Variants in PDZD2 observed in about 807,000 individuals in gnomAD.
The protein encoded by PDZD2 is PDZ domain-containing protein 2.
Under a neutral mutation model 220.7 loss-of-function variants are expected in PDZD2, and 90 were observed. That is an observed-to-expected ratio of 0.41 (90% CI 0.34 to 0.49). The LOEUF (loss-of-function observed/expected upper bound fraction) is 0.49, where lower values mean the gene tolerates loss of function less well. Among genes scored for constraint, PDZD2 ranks in the 20% least tolerant of loss-of-function variants. The pLI, the probability that PDZD2 is intolerant of heterozygous loss-of-function variation, is 0.28. For synonymous variants in PDZD2, 1,375 were observed against 1,450.5 expected (o/e 0.95, Z 1.18); for missense variants, 3,174 against 3,608.5 (o/e 0.88, Z 3.08).
In PDZD2 at chr5:31,748,867, G is replaced by A. The variant is rs186896279; in HGVS notation, c.-360-50022G>A. 5.2e-3 allele frequency among the ~76,000 whole-genome samples: 791 copies of A among 152,280 alleles called. 7 individuals carry two copies. The highest frequency in any genetic ancestry group is 7.3e-3 in the Non-Finnish European group (496 of 68,014). On this transcript the variant is annotated intron_variant, in intron 1 of 24. Coordinates refer to ENST00000438447, the MANE Select transcript of PDZD2 (RefSeq NM_178140.4). ...TTACCTGGGCATTGCAATTCCAGTGGGGCTGGGCTTGTTGCACCTGGGAGT... is the reference window on the plus strand; with the variant it reads ...TTACCTGGGCATTGCAATTCCAGTGAGGCTGGGCTTGTTGCACCTGGGAGT...
intron 2 of PDZD2, among the ~76,000 whole-genome samples, chr5:31,825,067 C>T (rs1291177725): frequency 6.6e-6 from 1 of 152,178 alleles, no homozygotes; most frequent in African/African-American, 2.4e-5. Flanking sequence ...CCACGCATCC[C>T]CACCTCCACC....
At chr5:31,958,178 C>T (rs9292452) in intron 2 of PDZD2, among the ~76,000 whole-genome samples, 145,474 of 152,306 alleles carry the variant, frequency 0.96, 69,519 homozygotes, top group African/African-American at 0.99. Flanking sequence ...TTTGGTCTTA[C>T]GTATTAATCT....
At chr5:31,923,479 G>T (rs923470986) in intron 2 of PDZD2, 3 of 980,550 alleles carry the variant, frequency 3.1e-6, no homozygotes, top group Non-Finnish European at 4.9e-6. Flanking sequence ...GGATTTAAGA[G>T]GGGTGCAGAT....
intron 2 of PDZD2, among the ~76,000 whole-genome samples, chr5:31,943,694 A>ATT (rs1438750943): frequency 2.6e-5 from 4 of 152,226 alleles, no homozygotes; most frequent in Admixed American, 6.5e-5. Context: ...GAAGGAAGTG[A>ATT]TTTGACCAGC....
chr5:31,886,557 T>G (rs184765765), intron 2 of PDZD2, among the ~76,000 whole-genome samples: 118 of 152,286 alleles, frequency 7.7e-4, no homozygotes, highest in African/African-American at 2.8e-3. Context: ...TGATGGAAAC[T>G]GCTTTTGTGA....
At chr5:31,898,929 G>A (rs1741833572) in intron 2 of PDZD2, among the ~76,000 whole-genome samples, 1 of 150,660 alleles carries the variant, frequency 6.6e-6, no homozygotes, top group Non-Finnish European at 1.5e-5. Flanking sequence ...CTGGGTACAC[G>A]CCATTCTCCT....
intron 2 of PDZD2, among the ~76,000 whole-genome samples, chr5:31,885,921 T>G (rs1003648331): frequency 1.9e-5 from 1 of 53,468 alleles, no homozygotes; most frequent in Non-Finnish European, 4.4e-5. Flanking sequence ...AGTTTTTTGG[T>G]TTTTTTTTTT....
intron 1 of PDZD2, among the ~76,000 whole-genome samples, chr5:31,798,113 C>G (rs570189452): frequency 1.3e-4 from 20 of 152,092 alleles, no homozygotes; most frequent in Admixed American, 1.0e-3. Flanking sequence ...AGCCGCTGGC[C>G]CTGCTGTCTG....
rs759086657 is a variant in PDZD2 at position 32,077,120 on chromosome 5, ATATCTC to A, written c.3538-338_3538-333del. On this transcript the variant is annotated intron_variant, in intron 18 of 24. Coordinates refer to ENST00000438447, the MANE Select transcript of PDZD2 (RefSeq NM_178140.4). ...TAAGGAGTTAGTGTTATAGTCTTGG[ATATCTC>A]TATGCAATATAATAACAATACCTTA... 1.1e-4 allele frequency among the ~76,000 whole-genome samples: 17 copies of A among 152,310 alleles called. No homozygotes were observed. In the South Asian group the frequency reaches 1.2e-3, roughly 11 times the overall value.
chr5:31,814,552 G>A (rs1030862589), intron 2 of PDZD2, among the ~76,000 whole-genome samples: 6 of 152,124 alleles, frequency 3.9e-5, no homozygotes, highest in African/African-American at 7.2e-5. Context: ...CCCTGGTGTC[G>A]TGGCTTACAC....
At chr5:31,988,395 C>T (rs1750881491) in intron 3 of PDZD2, among the ~76,000 whole-genome samples, 1 of 147,258 alleles carries the variant, frequency 6.8e-6, no homozygotes, top group Non-Finnish European at 1.5e-5. Context: ...AGGCGAGGTC[C>T]AGAGGGTTCC....
At chr5:31,725,710 G>C (rs1308012875) in intron 1 of PDZD2, 2 of 886,854 alleles carry the variant, frequency 2.3e-6, no homozygotes, top group East Asian at 2.4e-5. Context: ...CTCTAGTTTT[G>C]GTATGAGATG....
intron 2 of PDZD2, chr5:31,936,405 C>T: frequency 1.1e-6 from 1 of 886,810 alleles, no homozygotes; most frequent in Non-Finnish European, 1.4e-6. Flanking sequence ...ACACAACTTA[C>T]AGGTCTTCCA....
intron 7 of PDZD2, among the ~76,000 whole-genome samples, chr5:32,047,456 C>G (rs1738086339): frequency 6.6e-6 from 1 of 152,184 alleles, no homozygotes; most frequent in African/African-American, 2.4e-5. Flanking sequence ...GATCAAGGTT[C>G]AGCAAGCTCT....
chr5:31,703,665 A>G (rs1286603020), intron 1 of PDZD2, among the ~76,000 whole-genome samples: 4 of 152,096 alleles, frequency 2.6e-5, no homozygotes, highest in Non-Finnish European at 5.9e-5. Flanking sequence ...TGTCCCTCTG[A>G]CTTAAGGGAA....
intron 3 of PDZD2, among the ~76,000 whole-genome samples, chr5:31,986,975 C>A (rs1275435584): frequency 1.3e-5 from 2 of 152,036 alleles, no homozygotes; most frequent in Non-Finnish European, 2.9e-5. Context: ...AAAACATTAA[C>A]TCACAATAAT....
At chr5:32,035,064 T>C (rs1367997781) in intron 6 of PDZD2, among the ~76,000 whole-genome samples, 1 of 152,228 alleles carries the variant, frequency 6.6e-6, no homozygotes, top group African/African-American at 2.4e-5. Context: ...TTTCTCAATT[T>C]TGCCTACGTT....
chr5:31,741,967 C>T (rs1246751400), intron 1 of PDZD2: 2 of 152,188 alleles, frequency 1.3e-5, no homozygotes, highest in African/African-American at 2.4e-5. Flanking sequence ...GCCTTTCCTC[C>T]AGAAAACTGC....
At chr5:31,750,068 A>G (rs908054655) in intron 1 of PDZD2, among the ~76,000 whole-genome samples, 1 of 152,234 alleles carries the variant, frequency 6.6e-6, no homozygotes, top group African/African-American at 2.4e-5. Flanking sequence ...TTTGAAGCCC[A>G]CAGCAGCTTA....
Sources: allele counts gnomAD v4.1 joint callset (sites outside exome capture counted in the v4.1 genomes callset), GRCh38; gene constraint gnomAD v4.1.1; transcripts MANE v1.5; gene names NCBI Gene and HGNC (gene_info 2026-07-23, HGNC 2026-07-21).